SLC22A7: variants seen among roughly 807,000 people sequenced by gnomAD.
The protein encoded by SLC22A7 is solute carrier family 22 member 7.
Under a neutral mutation model 62.2 loss-of-function variants are expected in SLC22A7, and 48 were observed. That is an observed-to-expected ratio of 0.77 (90% CI 0.61 to 0.98). SLC22A7 has a LOEUF of 0.98. Ranked by LOEUF, SLC22A7 falls within the 50% of genes least tolerant of loss-of-function variation. SLC22A7 has a pLI of 0.00. For missense variants in SLC22A7, 581 were observed against 703.8 expected (o/e 0.83, Z 1.97); for synonymous variants, 276 against 314.8 (o/e 0.88, Z 1.30).
intron 1 of SLC22A7, 92 bp downstream of exon 1, chr6:43,298,843 T>G: frequency 3.3e-6 from 5 of 1,493,418 alleles, no homozygotes; most frequent in Non-Finnish European, 4.5e-6. Context: ...TGTATTACTT[T>G]ACCTCTTAAA....
upstream of SLC22A7, chr6:43,298,101 AGAGCCAC>A: frequency 2.1e-6 from 1 of 474,798 alleles, no homozygotes; most frequent in Non-Finnish European, 3.7e-6. Context: ...GGTAAGCCCC[AGAGCCAC>A]GAGCCAGTGA....
In SLC22A7 at chr6:43,299,508, T is replaced by C. The variant is rs73630540; in HGVS notation, c.503+15T>C. 1.9e-6 allele frequency: 3 copies of C among 1,608,328 alleles called. No homozygotes were observed. In the South Asian group the frequency reaches 3.3e-5, roughly 18 times the overall value. ...CTGTCCGACAGGTGGGGTGAGGCAC[T>C]GGGCCAATAAGAAACTGGCTGGGGG... On this transcript the variant is annotated intron_variant, in intron 3 of 10. Coordinates refer to ENST00000372585, the MANE Select transcript of SLC22A7 (RefSeq NM_153320.2). This position sits in a 1 kb window ranked among gnomAD's most constrained non-coding sequence, Gnocchi z 4.4.
rs1040103105 is a variant in SLC22A7, at chr6:43,302,776, G to A, written c.1385+13G>A. 1.9e-6 allele frequency: 3 copies of A among 1,554,720 alleles called. No individual in the cohort carries two copies. In the Admixed American group the frequency reaches 5.1e-5, roughly 27 times the overall value. Reference sequence around the variant, plus strand: ...CTACGGTGCTCAGGTGAGGAAGCCTGCAACTGATCTGGGGGTATGGGGCTT... The same window carrying A: ...CTACGGTGCTCAGGTGAGGAAGCCTACAACTGATCTGGGGGTATGGGGCTT... On this transcript the variant is annotated intron_variant, in intron 9 of 10. Transcript: ENST00000372585. The surrounding 1 kb of genome is among the most constrained non-coding windows in gnomAD (Gnocchi z 5.0).
rs1269465771 is a variant in SLC22A7 at position 43,302,275 on chromosome 6, G to A, written c.1137G>A (p.Gln379=). The change falls in exon 8 of 11, where the codon CAG becomes CAA. Residue 379 remains glutamine, a synonymous_variant. Transcript: ENST00000372585. The surrounding 1 kb of genome is among the most constrained non-coding windows in gnomAD (Gnocchi z 5.0). Reference sequence around the variant, plus strand: ...TGGGGCTGAACGTGTACCAGACACAGCTGTTGTTCGGGGCTGTGGAACTGC... The same window carrying A: ...TGGGGCTGAACGTGTACCAGACACAACTGTTGTTCGGGGCTGTGGAACTGC... The part of the protein sequence containing the change: ...SGLGLNVYQT[Q]LLFGAVELPS... 1 of 1,613,258 alleles carries A rather than the reference G, an allele frequency of 6.2e-7. No homozygotes were observed. Among genetic ancestry groups the A allele is most frequent in the African/African-American group, 1.3e-5 (1 of 74,922 alleles).
At chr6:43,304,586 C>G in intron 10 of SLC22A7, 85 bp from the exon 11 acceptor site, 2 of 1,210,098 alleles carry the variant, frequency 1.7e-6, no homozygotes, top group Non-Finnish European at 2.4e-6. Context: ...CTGGGGTGAG[C>G]CCTGGGACAG....
chr6:43,302,157 A>T lies in SLC22A7; in HGVS notation c.1062-43A>T. 6.7e-7 allele frequency: 1 copy of T among 1,497,494 alleles called. No individual in the cohort carries two copies. The highest frequency in any genetic ancestry group is 1.3e-5 in the South Asian group (1 of 77,954). The allele number at this position is 1,497,494 out of a possible 1,614,324, so 92.8% of individuals were successfully genotyped here. A position where few individuals can be genotyped will look rare whatever the true frequency, so the allele number is the denominator to read the frequency against. On this transcript the variant is annotated intron_variant, in intron 7 of 10. Coordinates refer to ENST00000372585, the MANE Select transcript of SLC22A7 (RefSeq NM_153320.2). The surrounding 1 kb of genome is among the most constrained non-coding windows in gnomAD (Gnocchi z 5.0). ...TCCTGAGAAGAGAGGCCAAAGAGGG[A>T]TGGGAAGGAGGGTCCGCCAAGTGGC...
At position 43,299,056 on chromosome 6, in the gene SLC22A7, A is replaced by G; in HGVS notation, c.394-36A>G. ...TTTCTGCAGCAAGAGGTGGAGAAACAATAGAGGCCTTCTTTTCTCCCTTCC... is the reference window on the plus strand; with the variant it reads ...TTTCTGCAGCAAGAGGTGGAGAAACGATAGAGGCCTTCTTTTCTCCCTTCC... On this transcript the variant is annotated intron_variant, in intron 1 of 10. Coordinates refer to ENST00000372585, the MANE Select transcript of SLC22A7 (RefSeq NM_153320.2). This position sits in a 1 kb window ranked among gnomAD's most constrained non-coding sequence, Gnocchi z 4.4. 1 of 1,554,666 alleles carries G rather than the reference A, an allele frequency of 6.4e-7. No homozygotes were observed.
Position 43,299,617 on chromosome 6 carries a change from C to T in SLC22A7, c.504-10C>T. ...CCACAGGGAACTGACCCTGCATGAC[C>T]CCTTTGCAGGTTTGGGCGGCGGCGT... On this transcript the variant is annotated splice_polypyrimidine_tract_variant and intron_variant, in intron 3 of 10. Transcript: ENST00000372585. The surrounding 1 kb of genome is among the most constrained non-coding windows in gnomAD (Gnocchi z 4.4). The T allele has an allele frequency of 1.9e-6, 3 of 1,614,100 alleles. No individual in the cohort carries two copies. Among genetic ancestry groups the T allele is most frequent in the Non-Finnish European group, 2.5e-6 (3 of 1,180,020 alleles).
At position 43,301,183 on chromosome 6, in the gene SLC22A7, A is replaced by G; in HGVS notation, c.876A>G (p.Lys292=). Residue 292 remains lysine (K), a synonymous_variant, in exon 6 of 11, where the codon AAA becomes AAG. Coordinates refer to ENST00000372585, the MANE Select transcript of SLC22A7 (RefSeq NM_153320.2). ...ARWLLTQGHV[K]EAHRYLLHCA... ...GGCTTCTGACCCAAGGCCATGTGAA[A>G]GAGGCCCACAGGTACTTGCTCCACT... is the stretch of plus-strand genomic sequence containing the variant. 6.2e-7 allele frequency: 1 copy of G among 1,614,208 alleles called. No homozygotes were observed. Among genetic ancestry groups the G allele is most frequent in the Non-Finnish European group, 8.5e-7 (1 of 1,180,042 alleles).
chr6:43,301,899 C>G (rs896855691), intron 7 of SLC22A7, among the ~76,000 whole-genome samples: 5 of 152,156 alleles, frequency 3.3e-5, no homozygotes, highest in African/African-American at 1.2e-4. Flanking sequence ...CAGACTCCCA[C>G]TTCCTTACTT....
In SLC22A7 at chr6:43,298,364, C is replaced by A. The variant is rs748162980; in HGVS notation, c.6C>A (p.Gly2=). 3 of 1,610,142 alleles carry A rather than the reference C, an allele frequency of 1.9e-6. No individual in the cohort carries two copies. Among genetic ancestry groups the A allele is most frequent in the Non-Finnish European group, 2.5e-6 (3 of 1,177,852 alleles). The change falls in exon 1 of 11, where the codon GGC becomes GGA. Residue 2 remains glycine (G), a synonymous_variant. Transcript: ENST00000372585. M[G]FEELLEQVGG... ...GCATTTGGTGGGTGAGCAGCATGGG[C>A]TTTGAGGAGCTGCTGGAGCAGGTGG...
rs1778872848 is a variant in SLC22A7, at chr6:43,304,525, G to A, written c.1593-146G>A. On this transcript the variant is annotated intron_variant, in intron 10 of 10. Coordinates refer to ENST00000372585, the MANE Select transcript of SLC22A7 (RefSeq NM_153320.2). Reference sequence around the variant, plus strand: ...TCAAGTATGCCTACACATCAGGGGTGTGTACAAGCATGTGTGTGAGTCACT... The same window carrying A: ...TCAAGTATGCCTACACATCAGGGGTATGTACAAGCATGTGTGTGAGTCACT... 2.1e-5 allele frequency: 14 copies of A among 668,338 alleles called. No homozygotes were observed. In the East Asian group the frequency reaches 3.6e-4, roughly 17 times the overall value. The allele number at this position is 668,338 out of a possible 1,614,324, so 41.4% of individuals were successfully genotyped here.
Position 43,305,395 on chromosome 6 carries a change from C to A in SLC22A7, c.*670C>A. 1 of 275,430 alleles carries A rather than the reference C, an allele frequency of 3.6e-6. No individual in the cohort carries two copies. 17.1% of individuals were successfully genotyped at this position (275,430 alleles called of 1,614,324 possible). A position where few individuals can be genotyped will look rare whatever the true frequency, so the allele number is the denominator to read the frequency against. ...GCTACCTCCGAGGCACCCTGCAGGG[C>A]AATGCATGTCATCCCAACCCCCACA... On this transcript the variant is annotated 3_prime_UTR_variant, in exon 11 of 11. Coordinates refer to ENST00000372585, the MANE Select transcript of SLC22A7 (RefSeq NM_153320.2).
At position 43,304,096 on chromosome 6, in the gene SLC22A7, C is replaced by G. The variant is rs1383086567; in HGVS notation, c.1444C>G (p.Leu482Val). 8 of 1,600,546 alleles carry G rather than the reference C, an allele frequency of 5.0e-6. No individual in the cohort carries two copies. Among genetic ancestry groups the G allele is most frequent in the Non-Finnish European group, 6.8e-6 (8 of 1,172,164 alleles). Residue 482 changes from leucine (L) to valine (V), a missense_variant, in exon 10 of 11, where the codon CTG becomes GTG. By Grantham distance (32) the Leu-to-Val change is conservative (BLOSUM62 1). Transcript: ENST00000372585. ...CCGGCTGGGGGGCTCTTTGGCCCCACTGGCGGCCTTGCTGGATGGAGTGTG... is the reference window on the plus strand; with the variant it reads ...CCGGCTGGGGGGCTCTTTGGCCCCAGTGGCGGCCTTGCTGGATGGAGTGTG... ...VGRLGGSLAP[L>V]AALLDGVWLS...
At chr6:43,298,108 C>G (rs1002108065), upstream of SLC22A7, 1 of 483,258 alleles carries the variant, frequency 2.1e-6, no homozygotes, top group Non-Finnish European at 3.6e-6. Context: ...CCCAGAGCCA[C>G]GAGCCAGTGA....
chr6:43,300,163 A>T, intron 5 of SLC22A7, 97 bp downstream of exon 5: 3 of 1,303,964 alleles, frequency 2.3e-6, no homozygotes. Context: ...TTGAGAGATG[A>T]AGGGAAAGAG....
At chr6:43,297,616 C>T (rs1778589378), upstream of SLC22A7, among the ~76,000 whole-genome samples, 1 of 152,210 alleles carries the variant, frequency 6.6e-6, no homozygotes, top group African/African-American at 2.4e-5. Flanking sequence ...TTCCCTATCC[C>T]TCCAAAAGGT....
rs749499855 is a variant in SLC22A7 at position 43,299,319 on chromosome 6, AGAG to A, written c.400-64_400-62del. 3.1e-6 allele frequency: 5 copies of A among 1,608,650 alleles called. No individual in the cohort carries two copies. In the South Asian group the frequency reaches 4.4e-5, roughly 14 times the overall value. ...CGCCTCAGAAGGCTCCAGGGTCTGG[AGAG>A]GAGGAGCTGGTGCCTGCTGGAGAGG... On this transcript the variant is annotated intron_variant, in intron 2 of 10. Coordinates refer to ENST00000372585, the MANE Select transcript of SLC22A7 (RefSeq NM_153320.2). The surrounding 1 kb of genome is among the most constrained non-coding windows in gnomAD (Gnocchi z 4.4).
In SLC22A7 at chr6:43,300,003, G is replaced by A. The variant is rs972075634; in HGVS notation, c.764G>A (p.Arg255Gln). The A allele has an allele frequency of 4.3e-6, 7 of 1,614,150 alleles. No homozygotes were observed. The highest frequency in any genetic ancestry group is 4.5e-5 in the East Asian group (2 of 44,874). Residue 255 changes from arginine (R) to glutamine (Q), a missense_variant, in exon 5 of 11, where the codon CGG becomes CAG. By Grantham distance (43) the Arg-to-Gln change is conservative. Coordinates refer to ENST00000372585, the MANE Select transcript of SLC22A7 (RefSeq NM_153320.2). ...CTGGCACTGGTTGGGTACCTGATAC[G>A]GGACTGGCGATGGCTTCTGCTAGCT... is the stretch of plus-strand genomic sequence containing the variant. ...MLLALVGYLI[R>Q]DWRWLLLAVT... is the part of the protein sequence containing the mutation.
Sources: allele counts gnomAD v4.1 joint callset (sites outside exome capture counted in the v4.1 genomes callset), GRCh38; gene constraint gnomAD v4.1.1; non-coding constraint Gnocchi (gnomAD v3.1); transcripts MANE v1.5; gene names NCBI Gene and HGNC (gene_info 2026-07-23, HGNC 2026-07-21).